The following PTPN4 variants were observed in gnomAD, a reference collection of about 807,000 sequenced individuals.
PTPN4 encodes the protein protein tyrosine phosphatase non-receptor type 4.
PTPN4 carries 49 observed loss-of-function variants against 135.5 expected under a neutral mutation model. That is an observed-to-expected ratio of 0.36 (90% confidence interval 0.29 to 0.46). The LOEUF (loss-of-function observed/expected upper bound fraction) is 0.46, where lower values mean the gene tolerates loss of function less well. Among genes scored for constraint, PTPN4 ranks in the 20% least tolerant of loss-of-function variants. The pLI, the probability that PTPN4 is intolerant of heterozygous loss-of-function variation, is 1.00. For missense variants in PTPN4, 860 were observed against 1,101.0 expected (o/e 0.78, Z 3.10); for synonymous variants, 333 against 369.9 (o/e 0.90, Z 1.14).
At chr2:119,848,530 A>G (rs1028195980) in intron 2 of PTPN4, among the ~76,000 whole-genome samples, 2 of 151,848 alleles carry the variant, frequency 1.3e-5, no homozygotes, top group Admixed American at 1.3e-4. Flanking sequence ...TCCTTCTGGT[A>G]CTGTCATTAT....
At chr2:119,807,452 C>T (rs190076120) in intron 1 of PTPN4, among the ~76,000 whole-genome samples, 206 of 152,226 alleles carry the variant, frequency 1.4e-3, no homozygotes, top group African/African-American at 4.4e-3. Context: ...AACACCTCTA[C>T]GCAAATAAAC....
intron 1 of PTPN4, among the ~76,000 whole-genome samples, chr2:119,795,099 C>T (rs1691228272): frequency 6.6e-6 from 1 of 152,126 alleles, no homozygotes. Flanking sequence ...CTGAGGTGGG[C>T]AGGTCCTCTC....
At chr2:119,953,848 A>G (rs947195145) in intron 19 of PTPN4, among the ~76,000 whole-genome samples, 5 of 152,168 alleles carry the variant, frequency 3.3e-5, no homozygotes, top group Non-Finnish European at 7.3e-5. Flanking sequence ...CAGAATATGA[A>G]CAAAAATCCA....
chr2:119,822,159 A>G (rs1485629317), intron 2 of PTPN4, among the ~76,000 whole-genome samples: 5 of 152,148 alleles, frequency 3.3e-5, no homozygotes, highest in African/African-American at 7.2e-5. Context: ...TGTTCCCTAC[A>G]TGGATCTTCA....
intron 1 of PTPN4, among the ~76,000 whole-genome samples, chr2:119,783,687 A>C (rs1307868940): frequency 1.3e-5 from 2 of 152,242 alleles, no homozygotes; most frequent in Non-Finnish European, 2.9e-5. Context: ...AACCGTAGGC[A>C]AGCCACTTAA....
At chr2:119,847,189 T>A (rs1677512346) in intron 2 of PTPN4, among the ~76,000 whole-genome samples, 1 of 145,800 alleles carries the variant, frequency 6.9e-6, no homozygotes, top group South Asian at 2.1e-4. Context: ...TATAAAAAAA[T>A]ATATAGAGTA....
chr2:119,885,747 TTTGA>T (rs754376689), intron 8 of PTPN4, 44 bp from the exon 9 acceptor site: 96 of 1,309,660 alleles, frequency 7.3e-5, no homozygotes, highest in Non-Finnish European at 8.5e-5. Flanking sequence ...GCCATATTTA[TTTGA>T]TTGATTGATT....
chr2:119,965,690 C>T (rs779334675), intron 25 of PTPN4, 45 bp downstream of exon 25: 9 of 1,555,320 alleles, frequency 5.8e-6, no homozygotes, highest in South Asian at 2.4e-5. Context: ...TGAACAGATA[C>T]GTCATTTTTA....
At chr2:119,825,495 C>CT (rs891070534) in intron 2 of PTPN4, among the ~76,000 whole-genome samples, 37,420 of 129,244 alleles carry the variant, frequency 0.29, 5,739 homozygotes, top group African/African-American at 0.36. Flanking sequence ...GAACCCAAGC[C>CT]TTTTTTTTTT....
chr2:119,930,426 A>G (rs1027841156), intron 13 of PTPN4, among the ~76,000 whole-genome samples: 7 of 152,124 alleles, frequency 4.6e-5, no homozygotes, highest in Admixed American at 1.3e-4. Flanking sequence ...AATAGGCTAA[A>G]ATATTGCCCT....
At position 119,760,244 on chromosome 2, in the gene PTPN4, C is replaced by G. The variant is rs1024416323; in HGVS notation, c.-158C>G. 5.0e-6 allele frequency: 2 copies of G among 396,598 alleles called. No homozygotes were observed. Among genetic ancestry groups the G allele is most frequent in the Non-Finnish European group, 8.9e-6 (2 of 224,702 alleles). 24.6% of individuals were successfully genotyped at this position (396,598 alleles called of 1,614,324 possible). A position where few individuals can be genotyped will look rare whatever the true frequency, so the allele number is the denominator to read the frequency against. On this transcript the variant is annotated 5_prime_UTR_variant, in exon 1 of 27. Coordinates refer to ENST00000263708, the MANE Select transcript of PTPN4 (RefSeq NM_002830.4). The stretch of plus-strand genomic sequence containing the variant: ...TGGTGCTGGCGGCTCCGGGTCGTGG[C>G]GCGACCGCTGCGGCGGCGGCTGCTC...
intron 18 of PTPN4, among the ~76,000 whole-genome samples, chr2:119,950,381 A>G (rs1679195679): frequency 2.0e-5 from 3 of 152,248 alleles, no homozygotes; most frequent in Non-Finnish European, 2.9e-5. Context: ...ATAACTCTAA[A>G]TTTGAACGTT....
intron 5 of PTPN4, among the ~76,000 whole-genome samples, chr2:119,879,033 C>G (rs1038975635): frequency 2.0e-5 from 3 of 147,512 alleles, no homozygotes; most frequent in African/African-American, 7.6e-5. Context: ...GCAGAGCTGG[C>G]AGTGAGCCGA....
At position 119,900,824 on chromosome 2, in the gene PTPN4, T is replaced by C; in HGVS notation, c.764+18T>C. On this transcript the variant is annotated intron_variant, in intron 10 of 26. Coordinates refer to ENST00000263708, the MANE Select transcript of PTPN4 (RefSeq NM_002830.4). ...TTTCCATGGTAAGAACATCTATTGA[T>C]ACTTTTATGTTTACCACTGTATTAC... 1.4e-6 allele frequency: 2 copies of C among 1,408,340 alleles called. No individual in the cohort carries two copies. The highest frequency in any genetic ancestry group is 2.0e-6 in the Non-Finnish European group (2 of 1,021,956). 87.2% of individuals were successfully genotyped at this position (1,408,340 alleles called of 1,614,324 possible).
intron 1 of PTPN4, among the ~76,000 whole-genome samples, chr2:119,775,209 G>A (rs1159248718): frequency 1.3e-5 from 2 of 151,228 alleles, no homozygotes; most frequent in East Asian, 1.9e-4. Context: ...ACTGTTTTGT[G>A]CAAATGCAGT....
chr2:119,846,230 A>T (rs1461208164), intron 2 of PTPN4, among the ~76,000 whole-genome samples: 1 of 152,162 alleles, frequency 6.6e-6, no homozygotes, highest in Non-Finnish European at 1.5e-5. Flanking sequence ...CATTGTTCCA[A>T]GTCTTTTATT....
intron 1 of PTPN4, among the ~76,000 whole-genome samples, chr2:119,785,710 T>C (rs1465752008): frequency 6.6e-6 from 1 of 151,670 alleles, no homozygotes; most frequent in Non-Finnish European, 1.5e-5. Flanking sequence ...AATCAAGAGC[T>C]GTTAAAATTT....
intron 15 of PTPN4, among the ~76,000 whole-genome samples, chr2:119,943,821 T>G (rs1679096517): frequency 6.6e-6 from 1 of 151,936 alleles, no homozygotes; most frequent in Admixed American, 6.6e-5. Flanking sequence ...CTCAATCTCC[T>G]GACCTCGTGA....
chr2:119,849,934 C>A (rs530698244), intron 2 of PTPN4, among the ~76,000 whole-genome samples: 2 of 152,326 alleles, frequency 1.3e-5, no homozygotes, highest in African/African-American at 4.8e-5. Flanking sequence ...GTTCCACAGT[C>A]TTGATCCAGT....
Sources: gnomAD v4.1 joint callset for allele counts (sites outside exome capture counted in the v4.1 genomes callset) on GRCh38, gnomAD v4.1.1 for gene constraint, MANE v1.5 for transcripts, NCBI Gene and HGNC (gene_info 2026-07-23, HGNC 2026-07-21) for gene names.